BRWD3: variants seen among roughly 807,000 people sequenced by gnomAD.
BRWD3 encodes the protein bromodomain and WD repeat domain containing 3, also known as bromodomain and WD repeat-containing protein 3.
In BRWD3, 10 loss-of-function variants were observed where a neutral mutation model predicts 149.7. The observed-to-expected ratio is 0.07, with a 90% CI of 0.04 to 0.11. The LOEUF is 0.11. Among genes scored for constraint, BRWD3 ranks in the 10% least tolerant of loss-of-function variants. The pLI is 1.00. For synonymous variants in BRWD3, 504 were observed against 456.7 expected (o/e 1.10, Z -1.32); for missense variants, 940 against 1,373.2 (o/e 0.68, Z 4.99).
intron 4 of BRWD3, among the ~76,000 whole-genome samples, chrX:80,804,026 T>G (rs893178283): frequency 8.9e-6 from 1 of 112,533 alleles, no homozygotes; most frequent in Admixed American, 9.5e-5. Context: ...CATAGATGTA[T>G]GTATATTTTT....
chrX:80,729,333 C>T (rs1334827289), intron 13 of BRWD3, among the ~76,000 whole-genome samples: 1 of 111,143 alleles, frequency 9.0e-6, no homozygotes, highest in Non-Finnish European at 1.9e-5. Flanking sequence ...TTAAATATGA[C>T]ATTATCAATG....
chrX:80,774,854 A>T (rs1218539481), intron 6 of BRWD3, among the ~76,000 whole-genome samples: 3 of 111,627 alleles, frequency 2.7e-5, no homozygotes, highest in Admixed American at 9.5e-5. Flanking sequence ...ATCTATAGTA[A>T]CAGTCTTGCC....
At chrX:80,707,595 T>C in intron 21 of BRWD3, 92 bp from the exon 22 acceptor site, 3 of 862,003 alleles carry the variant, frequency 3.5e-6, no homozygotes, top group Middle Eastern at 2.7e-4. Context: ...TAGCATTTTT[T>C]TGAATTCTGC....
intron 6 of BRWD3, among the ~76,000 whole-genome samples, chrX:80,779,229 C>T (rs1004828849): frequency 3.6e-5 from 4 of 110,026 alleles, no homozygotes; most frequent in Non-Finnish European, 5.7e-5. Context: ...GCAGGAGAAT[C>T]GCTTGAACCC....
At chrX:80,764,285 T>C (rs919410623) in intron 6 of BRWD3, among the ~76,000 whole-genome samples, 22 of 111,074 alleles carry the variant, frequency 2.0e-4, no homozygotes, top group African/African-American at 6.9e-4. Flanking sequence ...TGGGAGAAAA[T>C]CTTCAGAATA....
intron 17 of BRWD3, among the ~76,000 whole-genome samples, chrX:80,720,784 G>A (rs747210290): frequency 3.1e-4 from 35 of 111,643 alleles, no homozygotes; most frequent in African/African-American, 1.0e-3. Flanking sequence ...TCCATTCCAT[G>A]GTAAGTGCTT....
intron 20 of BRWD3, among the ~76,000 whole-genome samples, chrX:80,713,434 A>C (rs746031646): frequency 9.0e-6 from 1 of 111,324 alleles, no homozygotes; most frequent in African/African-American, 3.3e-5. Context: ...GTCCACTCAG[A>C]GTTAAATGGA....
At chrX:80,785,539 A>G (rs933096515) in intron 6 of BRWD3, among the ~76,000 whole-genome samples, 1 of 111,850 alleles carries the variant, frequency 8.9e-6, no homozygotes, top group African/African-American at 3.3e-5. Context: ...GATTAACTAT[A>G]CGAACGACGG....
At chrX:80,710,081 C>T in intron 20 of BRWD3, 3 of 859,013 alleles carry the variant, frequency 3.5e-6, no homozygotes, top group Non-Finnish European at 5.2e-6. Context: ...ACCATCGGAG[C>T]TTGCAGCTCA....
intron 6 of BRWD3, among the ~76,000 whole-genome samples, chrX:80,783,846 T>G (rs1005804526): frequency 1.8e-5 from 2 of 111,823 alleles, no homozygotes; most frequent in Non-Finnish European, 3.8e-5. Flanking sequence ...TTACATCTTC[T>G]CACTCATTTG....
chrX:80,754,688 C>T (rs1160429777), intron 6 of BRWD3, among the ~76,000 whole-genome samples: 1 of 111,688 alleles, frequency 9.0e-6, no homozygotes, highest in Non-Finnish European at 1.9e-5. Flanking sequence ...CTTCTATGCC[C>T]AATTTGTTGA....
At chrX:80,791,978 A>G (rs780239024) in intron 5 of BRWD3, 26 bp from the exon 6 acceptor site, 1 of 1,047,714 alleles carries the variant, frequency 9.5e-7, no homozygotes, top group South Asian at 2.0e-5. Context: ...AAAGGTTGCT[A>G]AGGAATAGAG....
intron 6 of BRWD3, among the ~76,000 whole-genome samples, chrX:80,785,371 T>A (rs750400830): frequency 8.0e-5 from 9 of 112,061 alleles, no homozygotes; most frequent in African/African-American, 2.6e-4. Context: ...GCTCTTGCCA[T>A]AAGAAATCTA....
At chrX:80,701,302 C>T (rs2072783623) in intron 24 of BRWD3, among the ~76,000 whole-genome samples, 2 of 109,819 alleles carry the variant, frequency 1.8e-5, no homozygotes, top group South Asian at 7.8e-4. Context: ...AATCCTAGTA[C>T]TTTGGGAGGC....
At chrX:80,768,990 A>G (rs774613445) in intron 6 of BRWD3, among the ~76,000 whole-genome samples, 1 of 111,980 alleles carries the variant, frequency 8.9e-6, no homozygotes, top group Admixed American at 9.5e-5. Flanking sequence ...CAAAAGAAAC[A>G]AAGAAGGACA....
At position 80,742,315 on chromosome X, in the gene BRWD3, C is replaced by T. The variant is rs1316501101; in HGVS notation, c.813+1717G>A. On this transcript the variant is annotated intron_variant, in intron 8 of 40. Transcript: ENST00000373275. ...ACCATGCTGTTTTGGTTACTGTAGC[C>T]TTGTAGTATAGTTTGAAGTCAGGTA... Among the ~76,000 whole-genome samples the T allele has an allele frequency of 2.8e-5, 3 of 108,943 alleles. No homozygotes were observed. In the East Asian group the frequency reaches 8.7e-4, roughly 31 times the overall value. The allele number at this position is 108,943 out of a possible 115,157, so 94.6% of individuals were successfully genotyped here. A position where few individuals can be genotyped will look rare whatever the true frequency, so the allele number is the denominator to read the frequency against.
In BRWD3 at chrX:80,670,281, T is replaced by C. The variant is rs1390245536; in HGVS notation, c.*6328A>G. On this transcript the variant is annotated 3_prime_UTR_variant, in exon 41 of 41. Transcript: ENST00000373275. ...ACCTGAGAAAGCAACTGTAAGCGTA[T>C]AGGCTTAACTATCCCACCAAAAATC... 1.8e-5 allele frequency among the ~76,000 whole-genome samples: 2 copies of C among 111,545 alleles called. No homozygotes were observed. Among genetic ancestry groups the C allele is most frequent in the Admixed American group, 9.6e-5 (1 of 10,469 alleles).
chrX:80,733,545 G>T, intron 11 of BRWD3, 49 bp from the exon 12 acceptor site: 1 of 982,652 alleles, frequency 1.0e-6, no homozygotes, highest in Non-Finnish European at 1.4e-6. Flanking sequence ...TTTGTAAAAT[G>T]AATTAAGTGC....
intron 6 of BRWD3, among the ~76,000 whole-genome samples, chrX:80,764,739 C>CA (rs752036755): frequency 9.0e-6 from 1 of 110,878 alleles, no homozygotes; most frequent in East Asian, 2.8e-4. Flanking sequence ...AATGAAAAGA[C>CA]AGACTAGGAG....
Sources: allele counts gnomAD v4.1 joint callset (sites outside exome capture counted in the v4.1 genomes callset), GRCh38; gene constraint gnomAD v4.1.1; transcripts MANE v1.5; gene names NCBI Gene and HGNC (gene_info 2026-07-23, HGNC 2026-07-21).